Variants in GAK observed in about 807,000 individuals in gnomAD.
GAK encodes cyclin-G-associated kinase.
A neutral mutation model predicts 143.9 loss-of-function variants in GAK; 79 were observed. That is an observed-to-expected ratio of 0.55 (90% CI 0.46 to 0.66). The LOEUF (loss-of-function observed/expected upper bound fraction) is 0.66, where lower values mean the gene tolerates loss of function less well. Among genes scored for constraint, GAK ranks in the 30% least tolerant of loss-of-function variants. The pLI is 0.00. For synonymous variants in GAK, 881 were observed against 765.5 expected (o/e 1.15, Z -2.49); for missense variants, 1,693 against 1,779.7 (o/e 0.95, Z 0.88).
intron 19 of GAK, 64 bp downstream of exon 19, chr4:870,647 G>T: frequency 6.5e-7 from 1 of 1,533,492 alleles, no homozygotes; most frequent in Admixed American, 1.8e-5. Context: ...TCAGCCAAAG[G>T]TGTCTCTCTC....
intron 18 of GAK, among the ~76,000 whole-genome samples, chr4:871,137 GCAT>G (rs1473503184): frequency 6.6e-6 from 1 of 152,246 alleles, no homozygotes; most frequent in African/African-American, 2.4e-5. Flanking sequence ...CCCCAGAAGA[GCAT>G]CATTTCACTC....
chr4:905,477 T>G (rs2008478), intron 4 of GAK, among the ~76,000 whole-genome samples: 1 of 138,988 alleles, frequency 7.2e-6, no homozygotes, highest in Non-Finnish European at 1.5e-5. Context: ...CCCCATGCCA[T>G]GCTACGGACT....
chr4:853,735 T>G (rs1748622181), intron 24 of GAK: 1 of 152,282 alleles, frequency 6.6e-6, no homozygotes, highest in Admixed American at 6.5e-5. Flanking sequence ...GCTGGGTGTC[T>G]CAGCCTGTGC....
At chr4:862,979 C>T (rs1365231180) in intron 23 of GAK, among the ~76,000 whole-genome samples, 1 of 152,204 alleles carries the variant, frequency 6.6e-6, no homozygotes, top group African/African-American at 2.4e-5. Context: ...ATTTAAGAAA[C>T]ACATTTCTAA....
chr4:893,098 T>C (rs1305854421), intron 9 of GAK, among the ~76,000 whole-genome samples: 2 of 151,974 alleles, frequency 1.3e-5, no homozygotes, highest in Admixed American at 1.3e-4. Context: ...CCCTCCCCTC[T>C]GTGATAGGAA....
At position 868,701 on chromosome 4, in the gene GAK, G is replaced by A. The variant is rs760333833; in HGVS notation, c.2249-16C>T. 13 of 1,546,064 alleles carry A rather than the reference G, an allele frequency of 8.4e-6. No individual in the cohort carries two copies. In the South Asian group the frequency reaches 1.5e-4, roughly 18 times the overall value. On this transcript the variant is annotated splice_polypyrimidine_tract_variant and intron_variant, in intron 19 of 27. Coordinates refer to ENST00000314167, the MANE Select transcript of GAK (RefSeq NM_005255.4). ...TCCGGCTTCCCTGCAGGAGAGGGAG[G>A]GCGTCAGGGCACTGGCACTGGCCAG... is the stretch of plus-strand genomic sequence containing the variant.
intron 20 of GAK, among the ~76,000 whole-genome samples, chr4:867,770 C>T (rs376101685): frequency 6.6e-6 from 1 of 151,982 alleles, no homozygotes; most frequent in African/African-American, 2.4e-5. Context: ...CCCCATGGCA[C>T]GGCCCCTCAG....
At position 857,271 on chromosome 4, in the gene GAK, G is replaced by C. The variant is rs1749450607; in HGVS notation, c.3283+2335C>G. Among the ~76,000 whole-genome samples the C allele has an allele frequency of 2.0e-5, 3 of 152,286 alleles. No individual in the cohort carries two copies. In the South Asian group the frequency reaches 6.2e-4, roughly 32 times the overall value. On this transcript the variant is annotated intron_variant, in intron 24 of 27. Coordinates refer to ENST00000314167, the MANE Select transcript of GAK (RefSeq NM_005255.4). Reference sequence around the variant, plus strand: ...TATATTCATGGGGAATATAGTCCCAGTTTCCCTTTCCGGTGCTGTTTCTGT... The same window carrying C: ...TATATTCATGGGGAATATAGTCCCACTTTCCCTTTCCGGTGCTGTTTCTGT...
chr4:849,651 C>T lies in GAK; in HGVS notation c.*22G>A, dbSNP rs577581238. 40 of 1,581,200 alleles carry T rather than the reference C, an allele frequency of 2.5e-5. No individual in the cohort carries two copies. The East Asian group carries it at 2.7e-4, about 11-fold the overall frequency. ...GGCTCCCAACCTGTGGAGCTGTGTG[C>T]GCAGCCACCACCACTGCGGCCTCAG... On this transcript the variant is annotated 3_prime_UTR_variant, in exon 28 of 28. Transcript: ENST00000314167.
At chr4:877,846 CCT>C (rs774529018) in intron 15 of GAK, 37 bp from the exon 16 acceptor site, 4 of 1,516,978 alleles carry the variant, frequency 2.6e-6, no homozygotes, top group East Asian at 2.3e-5. Context: ...CGTGACGTGC[CCT>C]GAGAGGGGAC....
intron 12 of GAK, among the ~76,000 whole-genome samples, chr4:883,690 T>A (rs1715640047): frequency 6.6e-6 from 1 of 152,234 alleles, no homozygotes; most frequent in Admixed American, 6.5e-5. Context: ...TGGGACTTCC[T>A]GAGACAGCTT....
In GAK at chr4:932,290, A is replaced by C. The variant is rs905487089; in HGVS notation, c.-103T>G. On this transcript the variant is annotated 5_prime_UTR_variant, in exon 1 of 28. Coordinates refer to ENST00000314167, the MANE Select transcript of GAK (RefSeq NM_005255.4). This position sits in a 1 kb window ranked among gnomAD's most constrained non-coding sequence, Gnocchi z 4.0. Reference sequence around the variant, plus strand: ...TCAGCAACCGCCGGCCCGGAGGTGCACCATCTTCCGCCTCGACGCCGTGAC... The same window carrying C: ...TCAGCAACCGCCGGCCCGGAGGTGCCCCATCTTCCGCCTCGACGCCGTGAC... 1.4e-6 allele frequency: 2 copies of C among 1,391,920 alleles called. No individual in the cohort carries two copies. Among genetic ancestry groups the C allele is most frequent in the Non-Finnish European group, 1.8e-6 (2 of 1,081,296 alleles). The allele number at this position is 1,391,920 out of a possible 1,614,324, so 86.2% of individuals were successfully genotyped here.
intron 1 of GAK, among the ~76,000 whole-genome samples, chr4:914,653 C>A (rs1368074336): frequency 3.1e-5 from 4 of 129,014 alleles, no homozygotes; most frequent in Admixed American, 1.6e-4. Flanking sequence ...TGCACGGCCC[C>A]ACACACACAG....
intron 27 of GAK, 51 bp from the exon 28 acceptor site, chr4:849,825 C>CGGGGGCGG: frequency 8.1e-7 from 1 of 1,229,764 alleles, no homozygotes; most frequent in Non-Finnish European, 1.1e-6. Flanking sequence ...CGGGGGCGGG[C>CGGGGGCGG]GGGGCAGGAC....
chr4:894,205 G>T, intron 7 of GAK, 196 bp from the exon 8 acceptor site: 1 of 592,234 alleles, frequency 1.7e-6, no homozygotes, highest in Non-Finnish European at 2.7e-6. Context: ...AAATGCAGGG[G>T]TGACACCGGG....
chr4:849,386 G>A lies in GAK; in HGVS notation c.*287C>T, dbSNP rs1435080655. 4.1e-6 allele frequency: 2 copies of A among 482,210 alleles called. No homozygotes were observed. The highest frequency in any genetic ancestry group is 2.5e-5 in the South Asian group (1 of 39,822). 29.9% of individuals were successfully genotyped at this position (482,210 alleles called of 1,614,324 possible). ...AGCAGCGTGGCCCACCACGTGCCGGGGCTCCAGAGGCCACGCCCGAAACAC... is the reference window on the plus strand; with the variant it reads ...AGCAGCGTGGCCCACCACGTGCCGGAGCTCCAGAGGCCACGCCCGAAACAC... On this transcript the variant is annotated 3_prime_UTR_variant, in exon 28 of 28. Transcript: ENST00000314167.
rs766096942 is a variant in GAK, at chr4:920,539, A to AATTT, written c.146-6872_146-6871insAAAT. ...AAAATTGTGAAAAAGGTTTAGAGCC[A>AATTT]TTTTTTTTTTTTTTTTTTTTTTGAG... On this transcript the variant is annotated intron_variant, in intron 1 of 27. Coordinates refer to ENST00000314167, the MANE Select transcript of GAK (RefSeq NM_005255.4). 4.6e-5 allele frequency among the ~76,000 whole-genome samples: 6 copies of AATTT among 129,592 alleles called. 2 individuals carry two copies. The highest frequency in any genetic ancestry group is 6.0e-5 in the African/African-American group (2 of 33,284). The allele number at this position is 129,592 out of a possible 152,430, so 85.0% of individuals were successfully genotyped here. A position where few individuals can be genotyped will look rare whatever the true frequency, so the allele number is the denominator to read the frequency against.
chr4:904,032 G>A (rs1469215312), intron 5 of GAK, among the ~76,000 whole-genome samples: 1 of 152,270 alleles, frequency 6.6e-6, no homozygotes, highest in Non-Finnish European at 1.5e-5. Context: ...CATCTTCTAG[G>A]TGAGATGGTG....
At chr4:865,569 C>T (rs1044045006) in intron 22 of GAK, among the ~76,000 whole-genome samples, 2 of 152,246 alleles carry the variant, frequency 1.3e-5, no homozygotes, top group Non-Finnish European at 2.9e-5. Flanking sequence ...GTTCCCGCCT[C>T]TCCTAAAACC....
Sources: gnomAD v4.1 joint callset for allele counts (sites outside exome capture counted in the v4.1 genomes callset) on GRCh38, gnomAD v4.1.1 for gene constraint, Gnocchi (gnomAD v3.1) non-coding constraint, MANE v1.5 for transcripts, NCBI Gene and HGNC (gene_info 2026-07-23, HGNC 2026-07-21) for gene names.